Variants in SGCG observed in about 807,000 individuals in gnomAD.
SGCG encodes sarcoglycan gamma, also known as gamma-sarcoglycan.
SGCG carries 26 observed loss-of-function variants against 29.3 expected under a neutral mutation model. That is an observed-to-expected ratio of 0.89 (90% CI 0.65 to 1.23). The LOEUF (loss-of-function observed/expected upper bound fraction) is 1.23, where lower values mean the gene tolerates loss of function less well. SGCG is among the 50% of genes most tolerant of loss of function. SGCG has a pLI of 0.00. For missense variants in SGCG, 353 were observed against 356.0 expected (o/e 0.99, Z 0.07); for synonymous variants, 145 against 129.7 (o/e 1.12, Z -0.80).
At chr13:23,227,789 G>C (rs1457064857) in intron 2 of SGCG, among the ~76,000 whole-genome samples, 1 of 152,176 alleles carries the variant, frequency 6.6e-6, no homozygotes. Flanking sequence ...GGAGCCTGCA[G>C]AGGGGCACGG....
At chr13:23,179,603 T>C (rs1876665030), upstream of SGCG, among the ~76,000 whole-genome samples, 1 of 152,210 alleles carries the variant, frequency 6.6e-6, no homozygotes, top group Admixed American at 6.5e-5. Context: ...TTGATAGTTG[T>C]CCTATAATTT....
intron 1 of SGCG, among the ~76,000 whole-genome samples, chr13:23,197,580 G>A (rs1371231517): frequency 6.6e-6 from 1 of 152,186 alleles, no homozygotes; most frequent in Non-Finnish European, 1.5e-5. Flanking sequence ...AGATTAGAAA[G>A]ATGGCTTACT....
chr13:23,237,392 G>T (rs543182345), intron 3 of SGCG, among the ~76,000 whole-genome samples: 1 of 152,254 alleles, frequency 6.6e-6, no homozygotes, highest in East Asian at 1.9e-4. Context: ...GCCCTGAAAA[G>T]AAGCTTTAGC....
intron 5 of SGCG, among the ~76,000 whole-genome samples, chr13:23,292,080 C>T (rs1881729709): frequency 6.6e-6 from 1 of 151,600 alleles, no homozygotes; most frequent in African/African-American, 2.4e-5. Context: ...TCTCTAGTGC[C>T]AATGAGCCTT....
intron 4 of SGCG, among the ~76,000 whole-genome samples, chr13:23,257,994 T>G (rs1880267283): frequency 6.6e-6 from 1 of 152,226 alleles, no homozygotes; most frequent in South Asian, 2.1e-4. Context: ...TCCTCCAGCT[T>G]TGTTCTTTTT....
At chr13:23,174,834 C>G in the SGCG span, among the ~76,000 whole-genome samples, 4 of 151,920 alleles carry the variant, frequency 2.6e-5, no homozygotes, top group Non-Finnish European at 5.9e-5. Flanking sequence ...TTTTTTTAAT[C>G]AAGCTGGTCA....
chr13:23,299,902 A>T (rs1882086947), intron 6 of SGCG, among the ~76,000 whole-genome samples: 1 of 152,234 alleles, frequency 6.6e-6, no homozygotes, highest in South Asian at 2.1e-4. Flanking sequence ...TGTGCCAGAT[A>T]TAAAAGGCAT....
intron 1 of SGCG, among the ~76,000 whole-genome samples, chr13:23,184,232 C>A (rs1288290104): frequency 6.6e-6 from 1 of 152,198 alleles, no homozygotes; most frequent in Non-Finnish European, 1.5e-5. Context: ...TCAAGAATTT[C>A]TTTACGCATT....
chr13:23,203,519 T>C (rs766084469), intron 1 of SGCG, among the ~76,000 whole-genome samples, 176 bp from the exon 2 acceptor site: 13 of 152,342 alleles, frequency 8.5e-5, no homozygotes, highest in African/African-American at 2.9e-4. Context: ...TGAAACACAG[T>C]GACATGTTTC....
chr13:23,299,450 A>T (rs1232399354), intron 6 of SGCG, among the ~76,000 whole-genome samples: 27,172 of 37,530 alleles, frequency 0.72, 9,071 homozygotes, highest in East Asian at 0.87. Flanking sequence ...ATATATATAT[A>T]TATATATTTT....
intron 1 of SGCG, among the ~76,000 whole-genome samples, chr13:23,183,179 C>A (rs567192594): frequency 6.6e-6 from 1 of 152,120 alleles, no homozygotes; most frequent in Non-Finnish European, 1.5e-5. Context: ...GTAGCAGCTA[C>A]CATTTTAACA....
chr13:23,212,486 GATAA>G (rs1878265096), intron 2 of SGCG, among the ~76,000 whole-genome samples: 1 of 152,066 alleles, frequency 6.6e-6, no homozygotes, highest in Admixed American at 6.6e-5. Context: ...TTCTTGAGTT[GATAA>G]ATAAGAGATT....
intron 5 of SGCG, among the ~76,000 whole-genome samples, chr13:23,291,255 A>G (rs987719111): frequency 4.6e-5 from 7 of 152,196 alleles, no homozygotes; most frequent in African/African-American, 2.4e-5. Flanking sequence ...ATTTTAATGC[A>G]TGATTTATAT....
At chr13:23,285,527 G>A (rs1881464570) in intron 5 of SGCG, among the ~76,000 whole-genome samples, 6 of 152,220 alleles carry the variant, frequency 3.9e-5, no homozygotes, top group Admixed American at 3.9e-4. Context: ...CAAGCCAATG[G>A]ATCTTAGCTT....
intron 6 of SGCG, among the ~76,000 whole-genome samples, chr13:23,307,927 T>C (rs144997333): frequency 1.3e-5 from 2 of 152,314 alleles, no homozygotes; most frequent in East Asian, 3.9e-4. Context: ...ACAAAAACAT[T>C]CCGTAGAGAA....
intron 2 of SGCG, among the ~76,000 whole-genome samples, chr13:23,230,554 G>A (rs562295858): frequency 2.0e-5 from 3 of 152,272 alleles, no homozygotes; most frequent in Admixed American, 2.0e-4. Context: ...ATTGTGAATG[G>A]CACTGCACTT....
intron 2 of SGCG, among the ~76,000 whole-genome samples, chr13:23,209,294 A>C (rs768287197): frequency 2.6e-5 from 4 of 152,178 alleles, no homozygotes; most frequent in Non-Finnish European, 5.9e-5. Context: ...ATTTAAAATT[A>C]ATTCATTTTG....
intron 2 of SGCG, among the ~76,000 whole-genome samples, chr13:23,219,709 A>G (rs1035972182): frequency 2.7e-5 from 4 of 150,784 alleles, no homozygotes; most frequent in African/African-American, 4.9e-5. Context: ...TACATGATGT[A>G]TCACCATATC....
intron 2 of SGCG, 66 bp from the exon 3 acceptor site, chr13:23,234,545 A>C (rs1163249359): frequency 2.8e-6 from 3 of 1,066,744 alleles, no homozygotes; most frequent in Admixed American, 1.7e-5. Flanking sequence ...ATTTAAGTCA[A>C]TATTAAGAGG....
Sources: allele counts gnomAD v4.1 joint callset (sites outside exome capture counted in the v4.1 genomes callset), GRCh38; gene constraint gnomAD v4.1.1; transcripts MANE v1.5; gene names NCBI Gene and HGNC (gene_info 2026-07-23, HGNC 2026-07-21).